Variants in KCNIP4 observed in about 807,000 individuals in gnomAD.
KCNIP4 encodes the protein potassium voltage-gated channel interacting protein 4, also known as Kv channel-interacting protein 4.
Under a neutral mutation model 34.0 loss-of-function variants are expected in KCNIP4, and 12 were observed. That is an observed-to-expected ratio of 0.35 (90% confidence interval 0.23 to 0.57). KCNIP4 has a LOEUF of 0.57. Ranked by LOEUF, KCNIP4 falls within the 20% of genes least tolerant of loss-of-function variation. KCNIP4 has a pLI of 0.83. For missense variants in KCNIP4, 238 were observed against 311.7 expected, an observed-to-expected ratio of 0.76 and a Z score of 1.78; for synonymous variants, 124 against 102.2, an observed-to-expected ratio of 1.21 and a Z score of -1.29.
intron 1 of KCNIP4, among the ~76,000 whole-genome samples, chr4:21,647,303 C>G (rs953330503): frequency 4.6e-5 from 7 of 152,022 alleles, no homozygotes; most frequent in Non-Finnish European, 1.0e-4. Context: ...TACAGGGAAA[C>G]TGATTACTAC....
rs182625066 is a variant in KCNIP4 at position 20,993,945 on chromosome 4, C to T, written c.62-111236G>A. ...GCTGCCTGCATATCTTGGCTTGTGG[C>T]CCCTTCCATTGTTAGTGCCAGCAAT... is the stretch of plus-strand genomic sequence containing the variant. On this transcript the variant is annotated intron_variant, in intron 1 of 8. Transcript: ENST00000382152. 9.5e-4 allele frequency among the ~76,000 whole-genome samples: 145 copies of T among 152,252 alleles called. No individual in the cohort carries two copies. In the Middle Eastern group the frequency reaches 0.02, roughly 21 times the overall value.
intron 1 of KCNIP4, among the ~76,000 whole-genome samples, chr4:21,934,964 T>A (rs920831062): frequency 3.3e-5 from 5 of 152,180 alleles, no homozygotes; most frequent in African/African-American, 1.2e-4. Context: ...CCTATGTGCA[T>A]GCACATGTAC....
chr4:21,592,521 T>C (rs1467831578), intron 1 of KCNIP4, among the ~76,000 whole-genome samples: 2 of 152,132 alleles, frequency 1.3e-5, no homozygotes, highest in Non-Finnish European at 2.9e-5. Flanking sequence ...ATCATCACTA[T>C]TATGCACAAA....
chr4:21,850,707 T>C (rs532612807), intron 1 of KCNIP4: 7 of 152,266 alleles, frequency 4.6e-5, no homozygotes, highest in Admixed American at 3.9e-4. Flanking sequence ...TTTTAAACTT[T>C]TATTGTAGTA....
chr4:21,225,948 G>T (rs936775454), intron 1 of KCNIP4, among the ~76,000 whole-genome samples: 2 of 151,886 alleles, frequency 1.3e-5, no homozygotes, highest in Non-Finnish European at 2.9e-5. Context: ...CATGCAAAAA[G>T]CTTCAACAAT....
chr4:21,460,107 C>G (rs933348365), intron 1 of KCNIP4, among the ~76,000 whole-genome samples: 6 of 145,420 alleles, frequency 4.1e-5, no homozygotes, highest in South Asian at 4.7e-4. Flanking sequence ...CCCCCCGCCC[C>G]CCATCTCTTG....
chr4:21,684,808 T>A (rs1750684495), intron 1 of KCNIP4, among the ~76,000 whole-genome samples: 1 of 152,132 alleles, frequency 6.6e-6, no homozygotes. Context: ...GCTAATGCTA[T>A]CCCTCCCCTC....
At chr4:21,092,426 A>G (rs1296661653) in intron 1 of KCNIP4, among the ~76,000 whole-genome samples, 3 of 152,204 alleles carry the variant, frequency 2.0e-5, no homozygotes, top group South Asian at 2.1e-4. Flanking sequence ...ACAATCCACT[A>G]TAAGTTCCAA....
intron 1 of KCNIP4, among the ~76,000 whole-genome samples, chr4:21,426,140 T>A (rs548274699): frequency 3.9e-5 from 6 of 152,240 alleles, no homozygotes; most frequent in African/African-American, 1.4e-4. Flanking sequence ...TGCTACAACA[T>A]ACATAAACCT....
At chr4:21,556,939 A>AC (rs1229624535) in intron 1 of KCNIP4, among the ~76,000 whole-genome samples, 2 of 141,116 alleles carry the variant, frequency 1.4e-5, no homozygotes, top group Non-Finnish European at 3.2e-5. Flanking sequence ...AAAAAAAAAA[A>AC]AAAACCAGAA....
chr4:21,345,336 C>A (rs553101725), intron 1 of KCNIP4, among the ~76,000 whole-genome samples: 1 of 152,202 alleles, frequency 6.6e-6, no homozygotes, highest in East Asian at 1.9e-4. Flanking sequence ...CTGGCCCAAC[C>A]AACAGTTTGT....
intron 1 of KCNIP4, among the ~76,000 whole-genome samples, chr4:21,653,919 T>C (rs1577765865): frequency 6.6e-6 from 1 of 152,208 alleles, no homozygotes; most frequent in Admixed American, 6.5e-5. Flanking sequence ...AGATGACATG[T>C]CACACCTGAA....
intron 1 of KCNIP4, among the ~76,000 whole-genome samples, chr4:21,159,358 A>AT (rs1753406685): frequency 1.3e-5 from 2 of 152,196 alleles, no homozygotes; most frequent in South Asian, 2.1e-4. Context: ...AAAATATCGT[A>AT]TTTTTAGAAA....
chr4:21,270,968 A>C (rs1186207020), intron 1 of KCNIP4, among the ~76,000 whole-genome samples: 2 of 148,138 alleles, frequency 1.4e-5, no homozygotes, highest in African/African-American at 5.1e-5. Flanking sequence ...CCTGGTCAAC[A>C]GATCAAGTCC....
intron 1 of KCNIP4, among the ~76,000 whole-genome samples, chr4:21,926,498 C>T (rs13132737): frequency 0.24 from 36,591 of 152,146 alleles, 5,317 homozygotes; most frequent in South Asian, 0.36. Flanking sequence ...AAAGAACCCT[C>T]ATAATCACCA....
At chr4:20,730,150 G>T (rs1747630037) in intron 8 of KCNIP4, 21 bp from the exon 9 acceptor site, 2 of 1,594,574 alleles carry the variant, frequency 1.3e-6, no homozygotes, top group Non-Finnish European at 1.7e-6. Context: ...GAAACACAGA[G>T]CGATTAAATT....
chr4:21,667,877 A>G (rs189610838), intron 1 of KCNIP4, among the ~76,000 whole-genome samples: 9 of 152,354 alleles, frequency 5.9e-5, no homozygotes, highest in Non-Finnish European at 1.0e-4. Flanking sequence ...CCATCATTGT[A>G]CAGAGGTTCA....
intron 1 of KCNIP4, among the ~76,000 whole-genome samples, chr4:21,603,915 TC>T (rs1369897752): frequency 1.3e-5 from 2 of 152,158 alleles, no homozygotes; most frequent in Non-Finnish European, 2.9e-5. Flanking sequence ...AGACTGATAG[TC>T]TTATAGTTTA....
At chr4:21,365,532 A>AT (rs1491148161) in intron 1 of KCNIP4, among the ~76,000 whole-genome samples, 815 of 23,866 alleles carry the variant, frequency 0.034, 5 homozygotes, top group Non-Finnish European at 0.056. Context: ...TAAAAAATAA[A>AT]GAAAGAAAAG....
Sources: gnomAD v4.1 joint callset for allele counts (sites outside exome capture counted in the v4.1 genomes callset) on GRCh38, gnomAD v4.1.1 for gene constraint, MANE v1.5 for transcripts, NCBI Gene and HGNC (gene_info 2026-07-23, HGNC 2026-07-21) for gene names.